Variants in G3BP2 observed in about 807,000 individuals in gnomAD.
G3BP2 encodes G3BP stress granule assembly factor 2.
In G3BP2, 11 loss-of-function variants were observed where a neutral mutation model predicts 56.7. The observed-to-expected ratio is 0.19, with a 90% CI of 0.12 to 0.32. The LOEUF (loss-of-function observed/expected upper bound fraction) is 0.32, where lower values mean the gene tolerates loss of function less well. G3BP2 is among the 10% of genes least tolerant of loss of function. G3BP2 has a pLI of 1.00. For synonymous variants in G3BP2, 165 were observed against 191.6 expected (o/e 0.86, Z 1.15); for missense variants, 340 against 610.9 (o/e 0.56, Z 4.67).
At chr4:75,662,223 T>G (rs1008390442) in intron 1 of G3BP2, 174 bp from the exon 2 acceptor site, 75 of 74,132 alleles carry the variant, frequency 1.0e-3, no homozygotes, top group African/African-American at 5.0e-3. Flanking sequence ...CTGAAATAAT[T>G]TTTTTTTTTT....
At chr4:75,673,521 C>G (rs1212837694), upstream of G3BP2, 2 of 1,232,108 alleles carry the variant, frequency 1.6e-6, no homozygotes, top group African/African-American at 3.1e-5. Context: ...AGAGCCGGAC[C>G]CAACCTTCCC....
intron 3 of G3BP2, among the ~76,000 whole-genome samples, chr4:75,693,754 A>T: frequency 6.7e-6 from 1 of 149,336 alleles, no homozygotes; most frequent in East Asian, 2.0e-4. Context: ...GCACCACTGC[A>T]CTCTAGCCTG....
intron 3 of G3BP2, among the ~76,000 whole-genome samples, chr4:75,720,289 C>A (rs1313263986): frequency 1.3e-5 from 2 of 150,388 alleles, no homozygotes; most frequent in East Asian, 3.9e-4. Context: ...CCGAGGCGGG[C>A]GGATCACGAG....
intron 3 of G3BP2, among the ~76,000 whole-genome samples, chr4:75,686,577 T>TG (rs71203845): frequency 0.014 from 38 of 2,714 alleles, no homozygotes; most frequent in East Asian, 0.027. Context: ...GGGGTGGGGG[T>TG]GGGGGGGCGG....
At chr4:75,663,815 C>T (rs1163575602) in intron 1 of G3BP2, among the ~76,000 whole-genome samples, 3 of 3,320 alleles carry the variant, frequency 9.0e-4, no homozygotes, top group African/African-American at 2.0e-3. Flanking sequence ...ACCAAGATCG[C>T]GCCAGTGCAC....
chr4:75,673,533 T>A, upstream of G3BP2: 1 of 1,231,886 alleles, frequency 8.1e-7, no homozygotes. Flanking sequence ...AACCTTCCCG[T>A]GTCCCTCTGC....
At chr4:75,693,632 TACA>T (rs1183663053) in intron 3 of G3BP2, among the ~76,000 whole-genome samples, 1 of 151,910 alleles carries the variant, frequency 6.6e-6, no homozygotes, top group Non-Finnish European at 1.5e-5. Context: ...CTACTAAAAA[TACA>T]ACAATTAGCT....
At chr4:75,684,408 A>G (rs1433075078) in intron 3 of G3BP2, among the ~76,000 whole-genome samples, 1 of 151,952 alleles carries the variant, frequency 6.6e-6, no homozygotes, top group East Asian at 1.9e-4. Context: ...TTGTCAAAAA[A>G]TAAATAAATA....
rs368331407 is a variant in G3BP2 at position 75,665,656 on chromosome 4, AACACACAC to A, written c.-24-3615_-24-3608del. ...ACACACACACACAAACACACAAACA[AACACACAC>A]ACACACACACACACACACACAGCTA... On this transcript the variant is annotated intron_variant, in intron 1 of 11. Transcript: ENST00000359707. 5.9e-3 allele frequency among the ~76,000 whole-genome samples: 430 copies of A among 73,142 alleles called. 2 individuals are homozygous for A. The highest frequency in any genetic ancestry group is 0.019 in the African/African-American group (363 of 19,056). 48.0% of individuals were successfully genotyped at this position (73,142 alleles called of 152,430 possible).
Position 75,648,710 on chromosome 4 carries a change from G to A in G3BP2, c.857C>T (p.Ser286Phe). 6.2e-7 allele frequency: 1 copy of A among 1,607,096 alleles called. No homozygotes were observed. The highest frequency in any genetic ancestry group is 8.5e-7 in the Non-Finnish European group (1 of 1,174,544). The change falls in exon 9 of 12, where the codon TCT becomes TTT. Residue 286 changes from serine to phenylalanine, a missense_variant. Ser to Phe is a radical substitution (Grantham distance 155, BLOSUM62 -2). Around this residue, in one of 4 missense-constraint regions of G3BP2, gnomAD observed 224 missense variants for 332.5 expected, o/e 0.67. Coordinates refer to ENST00000359707, the MANE Select transcript of G3BP2 (RefSeq NM_203505.3). ...PRVEAKPEVQSQPPRVREQRP... is the reference protein window; with the variant it reads ...PRVEAKPEVQFQPPRVREQRP... ...TTGTTCACGCACACGAGGTGGCTGA[G>A]ATTGAACTTCTGGTTTAGCTTCGAC...
chr4:75,653,918 A>G, intron 8 of G3BP2, 65 bp downstream of exon 8: 1 of 752,268 alleles, frequency 1.3e-6, no homozygotes, highest in Non-Finnish European at 2.3e-6. Flanking sequence ...TTTTAAAAGT[A>G]TTTTAAAAAT....
intron 3 of G3BP2, among the ~76,000 whole-genome samples, chr4:75,685,686 G>A (rs1043066580): frequency 1.3e-5 from 2 of 152,118 alleles, no homozygotes; most frequent in African/African-American, 2.4e-5. Context: ...TTTCAGCACA[G>A]GGCCTGACAC....
chr4:75,712,438 T>C lies in G3BP2; in HGVS notation c.-25+8439A>G, dbSNP rs1233783405. Among the ~76,000 whole-genome samples the C allele has an allele frequency of 4.6e-5, 7 of 152,170 alleles. No homozygotes were observed. In the East Asian group the frequency reaches 1.3e-3, roughly 29 times the overall value. ...AATAAAGTGAGATTTTACTGCCAAC[T>C]GGTATTAAATTTTCATGTTTTTCAC... On this transcript the variant is annotated intron_variant, in intron 3 of 3. Coordinates refer to the G3BP2 transcript ENST00000499709.
intron 3 of G3BP2, among the ~76,000 whole-genome samples, chr4:75,715,479 C>A (rs1179134870): frequency 6.6e-6 from 1 of 152,284 alleles, no homozygotes; most frequent in East Asian, 1.9e-4. Flanking sequence ...ATCAAAGGGG[C>A]AGAGTATGGA....
intron 3 of G3BP2, among the ~76,000 whole-genome samples, chr4:75,718,252 G>A (rs1383665844): frequency 6.9e-6 from 1 of 144,928 alleles, no homozygotes; most frequent in Non-Finnish European, 1.5e-5. Flanking sequence ...TTTTTTTTTA[G>A]GTGTTTCATA....
At chr4:75,665,471 G>C (rs1006956068) in intron 1 of G3BP2, among the ~76,000 whole-genome samples, 2 of 151,870 alleles carry the variant, frequency 1.3e-5, no homozygotes, top group African/African-American at 4.8e-5. Flanking sequence ...CAAAGCACTG[G>C]GCTGTGGCTC....
chr4:75,690,885 A>C (rs2149081021), intron 3 of G3BP2, among the ~76,000 whole-genome samples: 1 of 152,132 alleles, frequency 6.6e-6, no homozygotes, highest in Middle Eastern at 3.4e-3. Context: ...TCTAAAATTG[A>C]ATGTGGTGAT....
intron 3 of G3BP2, among the ~76,000 whole-genome samples, chr4:75,697,576 T>C (rs962540137): frequency 2.5e-4 from 38 of 152,282 alleles, no homozygotes; most frequent in African/African-American, 8.7e-4. Context: ...GGGCAAAATA[T>C]GCAATATGCG....
intron 3 of G3BP2, among the ~76,000 whole-genome samples, chr4:75,713,470 C>T (rs1019585740): frequency 6.6e-6 from 1 of 152,112 alleles, no homozygotes; most frequent in Non-Finnish European, 1.5e-5. Flanking sequence ...GTAGACAGTA[C>T]TTTAAACTAT....
Sources: allele counts gnomAD v4.1 joint callset (sites outside exome capture counted in the v4.1 genomes callset), GRCh38; gene constraint gnomAD v4.1.1; regional missense constraint gnomAD v4.1.1; transcripts MANE v1.5; gene names NCBI Gene and HGNC (gene_info 2026-07-23, HGNC 2026-07-21).